The following ZNF385D variants were observed in gnomAD, a reference collection of about 807,000 sequenced individuals.
The protein encoded by ZNF385D is zinc finger protein 659.
ZNF385D carries 15 observed loss-of-function variants against 35.8 expected under a neutral mutation model. That is an observed-to-expected ratio of 0.42 (90% confidence interval 0.28 to 0.64). The LOEUF (loss-of-function observed/expected upper bound fraction) is 0.64. Ranked by LOEUF, ZNF385D falls within the 30% of genes least tolerant of loss-of-function variation. The pLI, the probability that ZNF385D is intolerant of heterozygous loss-of-function variation, is 0.23. For missense variants in ZNF385D, 474 were observed against 494.6 expected (o/e 0.96, Z 0.39); for synonymous variants, 212 against 186.8 (o/e 1.13, Z -1.10).
chr3:21,805,943 A>G (rs900564329), intron 3 of ZNF385D, among the ~76,000 whole-genome samples: 2 of 152,204 alleles, frequency 1.3e-5, no homozygotes, highest in Non-Finnish European at 2.9e-5. Flanking sequence ...CAAGATGGCA[A>G]TCTGGGAGAG....
intron 4 of ZNF385D, among the ~76,000 whole-genome samples, chr3:21,461,067 T>A (rs1022792769): frequency 6.6e-6 from 1 of 152,212 alleles, no homozygotes; most frequent in Admixed American, 6.5e-5. Flanking sequence ...TAAAGTCACA[T>A]GCTCTGCATT....
intron 4 of ZNF385D, among the ~76,000 whole-genome samples, chr3:21,454,366 A>G (rs1349595513): frequency 6.6e-6 from 1 of 152,136 alleles, no homozygotes; most frequent in Non-Finnish European, 1.5e-5. Context: ...TTTTATATCT[A>G]TAATTTTTTA....
intron 2 of ZNF385D, among the ~76,000 whole-genome samples, chr3:22,273,454 T>C (rs539854300): frequency 2.6e-3 from 397 of 152,078 alleles, no homozygotes; most frequent in Non-Finnish European, 4.3e-3. Flanking sequence ...TTCTGGGTGG[T>C]TCTACTGGTA....
chr3:22,077,783 G>A (rs1233307730), intron 3 of ZNF385D, among the ~76,000 whole-genome samples: 2 of 151,938 alleles, frequency 1.3e-5, no homozygotes, highest in African/African-American at 4.8e-5. Flanking sequence ...AAAGAAATGG[G>A]AGAAACAGAA....
chr3:21,613,388 A>ATT (rs368324958), intron 2 of ZNF385D, among the ~76,000 whole-genome samples: 4 of 151,418 alleles, frequency 2.6e-5, no homozygotes, highest in African/African-American at 9.7e-5. Context: ...AGTCTTACTT[A>ATT]TTTTTTTGGC....
At chr3:21,817,336 G>T (rs564591622) in intron 3 of ZNF385D, among the ~76,000 whole-genome samples, 11 of 152,252 alleles carry the variant, frequency 7.2e-5, no homozygotes, top group South Asian at 4.1e-4. Flanking sequence ...AGACAAATGG[G>T]ATCTAATTAA....
At chr3:22,220,251 G>C (rs558468551) in intron 2 of ZNF385D, among the ~76,000 whole-genome samples, 1 of 151,904 alleles carries the variant, frequency 6.6e-6, no homozygotes, top group African/African-American at 2.4e-5. Context: ...TTTTCATAGA[G>C]ACAAGATCTC....
chr3:22,125,306 G>A (rs1386770028), intron 3 of ZNF385D, among the ~76,000 whole-genome samples: 6 of 151,974 alleles, frequency 3.9e-5, no homozygotes, highest in Non-Finnish European at 1.5e-5. Flanking sequence ...CATGCTGTTT[G>A]GGTTACTATA....
chr3:21,817,487 G>GA (rs1389759676), intron 3 of ZNF385D, among the ~76,000 whole-genome samples: 4 of 151,978 alleles, frequency 2.6e-5, no homozygotes, highest in African/African-American at 4.8e-5. Context: ...AAATTTACAA[G>GA]AAAAAATTGA....
At chr3:22,365,880 CTG>C (rs1018726000) in intron 2 of ZNF385D, among the ~76,000 whole-genome samples, 11 of 152,042 alleles carry the variant, frequency 7.2e-5, no homozygotes, top group African/African-American at 2.7e-4. Flanking sequence ...CCAAAGGAAA[CTG>C]TTAATATGTT....
At chr3:21,790,533 A>C (rs906925876) in intron 3 of ZNF385D, among the ~76,000 whole-genome samples, 1 of 152,200 alleles carries the variant, frequency 6.6e-6, no homozygotes, top group African/African-American at 2.4e-5. Context: ...TGAAAAAAAT[A>C]AAGAGAAGAA....
At chr3:22,257,568 A>T (rs1181118292) in intron 2 of ZNF385D, among the ~76,000 whole-genome samples, 1 of 151,784 alleles carries the variant, frequency 6.6e-6, no homozygotes, top group African/African-American at 2.4e-5. Context: ...CTTCTATTTC[A>T]ATCTATATAT....
chr3:21,804,299 A>G (rs1488495141), intron 3 of ZNF385D, among the ~76,000 whole-genome samples: 2 of 152,172 alleles, frequency 1.3e-5, no homozygotes, highest in Non-Finnish European at 2.9e-5. Context: ...GATAAAAAGT[A>G]AGTGCCATCT....
At chr3:22,276,648 A>AT (rs1211793187) in intron 2 of ZNF385D, among the ~76,000 whole-genome samples, 1 of 152,138 alleles carries the variant, frequency 6.6e-6, no homozygotes, top group Non-Finnish European at 1.5e-5. Context: ...AAAATATATG[A>AT]TTTTACCAAT....
chr3:21,597,508 G>A (rs1243279409), intron 2 of ZNF385D, among the ~76,000 whole-genome samples: 3 of 152,126 alleles, frequency 2.0e-5, no homozygotes, highest in Admixed American at 6.6e-5. Flanking sequence ...AAGAGAGAAT[G>A]AGAGTGATTT....
At chr3:21,975,218 T>G (rs1368798776) in intron 3 of ZNF385D, among the ~76,000 whole-genome samples, 4 of 152,026 alleles carry the variant, frequency 2.6e-5, no homozygotes, top group Non-Finnish European at 5.9e-5. Context: ...CACAATGGAG[T>G]ACTATTCAGC....
At chr3:22,301,407 T>G (rs1294496786) in intron 2 of ZNF385D, among the ~76,000 whole-genome samples, 1 of 152,014 alleles carries the variant, frequency 6.6e-6, no homozygotes, top group Non-Finnish European at 1.5e-5. Flanking sequence ...TCTTAAAAAT[T>G]GCGAGGTGAG....
At chr3:21,706,858 A>G (rs1042211129) in intron 1 of ZNF385D, among the ~76,000 whole-genome samples, 1 of 151,670 alleles carries the variant, frequency 6.6e-6, no homozygotes, top group African/African-American at 2.4e-5. Context: ...ATAGATAAAT[A>G]GATTAGACAG....
intron 2 of ZNF385D, among the ~76,000 whole-genome samples, chr3:21,588,713 T>G (rs925461532): frequency 1.2e-4 from 19 of 152,130 alleles, no homozygotes; most frequent in African/African-American, 4.6e-4. Context: ...AAAATTTACA[T>G]AGGAGAGGAA....
Sources: allele counts gnomAD v4.1 joint callset (sites outside exome capture counted in the v4.1 genomes callset), GRCh38; gene constraint gnomAD v4.1.1; transcripts MANE v1.5; gene names NCBI Gene and HGNC (gene_info 2026-07-23, HGNC 2026-07-21).